The following GREB1 variants were observed in gnomAD, a reference collection of about 807,000 sequenced individuals.
GREB1 encodes growth regulating estrogen receptor binding 1.
Under a neutral mutation model 200.7 loss-of-function variants are expected in GREB1, and 106 were observed. The observed-to-expected ratio is 0.53, with a 90% CI of 0.45 to 0.62. The LOEUF is 0.62. GREB1 is among the 20% of genes least tolerant of loss of function. GREB1 has a pLI of 0.00. For synonymous variants in GREB1, 1,132 were observed against 1,092.4 expected (o/e 1.04, Z -0.72); for missense variants, 2,243 against 2,556.8 (o/e 0.88, Z 2.65).
chr2:11,556,833 A>G, intron 2 of GREB1, 62 bp downstream of exon 2: 1 of 1,272,118 alleles, frequency 7.9e-7, no homozygotes, highest in Non-Finnish European at 1.1e-6. Context: ...TAATGTTAGC[A>G]CCAGAACTTG....
rs557839806 is a variant in GREB1 at position 11,591,298 on chromosome 2, G to T, written c.1346-1478G>T. The stretch of plus-strand genomic sequence containing the variant: ...TCATGAACCCCGTGTTATGCATCAG[G>T]AAACCATGGGAGATAGCTCAGGGCC... On this transcript the variant is annotated intron_variant, in intron 10 of 32. Coordinates refer to ENST00000381486, the MANE Select transcript of GREB1 (RefSeq NM_014668.4). 4.3e-6 allele frequency: 3 copies of T among 701,156 alleles called. No homozygotes were observed. The African/African-American group carries it at 5.3e-5, about 12-fold the overall frequency. The allele number at this position is 701,156 out of a possible 1,614,324, so 43.4% of individuals were successfully genotyped here.
At position 11,638,955 on chromosome 2, in the gene GREB1, G is replaced by A. The variant is rs1036073327; in HGVS notation, c.5686+146G>A. 8 of 810,056 alleles carry A rather than the reference G, an allele frequency of 9.9e-6. No individual in the cohort carries two copies. In the African/African-American group the frequency reaches 1.4e-4, roughly 14 times the overall value. The allele number at this position is 810,056 out of a possible 1,614,324, so 50.2% of individuals were successfully genotyped here. ...GGGAAGTGACTGCCTCAGCCACCCA[G>A]GGAAGTGCAAGAGAGCTGGGATTTG... On this transcript the variant is annotated intron_variant, in intron 32 of 32. Coordinates refer to ENST00000381486, the MANE Select transcript of GREB1 (RefSeq NM_014668.4).
Position 11,610,823 on chromosome 2 carries a change from C to A in GREB1, c.2802C>A (p.Asn934Lys), listed in dbSNP as rs773386477. The change falls in exon 18 of 33, where the codon AAC (asparagine) becomes AAA (lysine). Residue 934 changes from asparagine (N) to lysine (K), a missense_variant. Physicochemically the swap from Asn to Lys is moderately conservative, Grantham distance 94. Around this residue, in one of 3 missense-constraint regions of GREB1, gnomAD observed 1,178 missense variants for 1,387.4 expected, o/e 0.85. Coordinates refer to ENST00000381486, the MANE Select transcript of GREB1 (RefSeq NM_014668.4). ...TSVETLEITQ[N>K]LLNSPKQCPC... The stretch of plus-strand genomic sequence containing the variant: ...TGGAGACGCTGGAGATCACGCAGAA[C>A]CTCCTCAACTCCCCGAAGCAGTGCC... The A allele has an allele frequency of 5.0e-6, 8 of 1,613,472 alleles. No individual in the cohort carries two copies. The highest frequency in any genetic ancestry group is 8.5e-7 in the Non-Finnish European group (1 of 1,179,964).
chr2:11,602,689 T>C (rs1276297285), intron 17 of GREB1, 147 bp downstream of exon 17: 9 of 682,528 alleles, frequency 1.3e-5, no homozygotes, highest in Non-Finnish European at 2.1e-5. Flanking sequence ...CCTGGTTTTT[T>C]CCTTCTCCTC....
At chr2:11,606,260 C>T (rs1682279380) in intron 17 of GREB1, among the ~76,000 whole-genome samples, 1 of 152,206 alleles carries the variant, frequency 6.6e-6, no homozygotes, top group South Asian at 2.1e-4. Context: ...AAGTTCAAAC[C>T]TGTGTTATTC....
At chr2:11,576,170 G>A (rs1003481386) in intron 4 of GREB1, among the ~76,000 whole-genome samples, 183 bp from the exon 5 acceptor site, 1 of 152,122 alleles carries the variant, frequency 6.6e-6, no homozygotes, top group East Asian at 1.9e-4. Flanking sequence ...AGCTAGGCAC[G>A]GTGGCAGATG....
Position 11,571,733 on chromosome 2 carries a change from C to T in GREB1, c.455-4620C>T, listed in dbSNP as rs187690506. 2.2e-3 allele frequency among the ~76,000 whole-genome samples: 332 copies of T among 151,864 alleles called. 1 individual carries two copies. Among genetic ancestry groups the T allele is most frequent in the African/African-American group, 7.5e-3 (310 of 41,346 alleles). Reference sequence around the variant, plus strand: ...ATGCATTTTTTTTTTCTTTTTGAGACGGAGTCTCGCTCTGTCTCCCAGGCT... The same window carrying T: ...ATGCATTTTTTTTTTCTTTTTGAGATGGAGTCTCGCTCTGTCTCCCAGGCT... On this transcript the variant is annotated intron_variant, in intron 4 of 32. Transcript: ENST00000381486.
intron 1 of GREB1, among the ~76,000 whole-genome samples, chr2:11,552,015 C>G (rs1675899082): frequency 6.6e-6 from 1 of 152,274 alleles, no homozygotes; most frequent in Non-Finnish European, 1.5e-5. Flanking sequence ...CTCCGTCTCT[C>G]TTACTGTCCG....
chr2:11,562,425 G>C (rs1399995463), intron 2 of GREB1, 38 bp from the exon 3 acceptor site: 6 of 1,608,802 alleles, frequency 3.7e-6, no homozygotes. Flanking sequence ...AGGCCAGACA[G>C]CAGCTGCCTT....
At chr2:11,589,783 G>A (rs763278827) in intron 10 of GREB1, among the ~76,000 whole-genome samples, 8 of 152,286 alleles carry the variant, frequency 5.3e-5, no homozygotes, top group East Asian at 1.9e-4. Flanking sequence ...AGGTAAGGCC[G>A]GCTGGAAATG....
chr2:11,538,401 C>T (rs1446364396), intron 1 of GREB1, among the ~76,000 whole-genome samples: 1 of 152,140 alleles, frequency 6.6e-6, no homozygotes, highest in Non-Finnish European at 1.5e-5. Flanking sequence ...TGACCTTGAA[C>T]CCTCTGGGTC....
chr2:11,630,186 T>G, intron 26 of GREB1, 77 bp downstream of exon 26: 3 of 1,440,290 alleles, frequency 2.1e-6, no homozygotes, highest in South Asian at 2.5e-5. Context: ...GAGACAGAGC[T>G]TCCTGTGAGG....
intron 5 of GREB1, among the ~76,000 whole-genome samples, chr2:11,577,666 G>A (rs1010872460): frequency 4.6e-5 from 7 of 152,218 alleles, no homozygotes; most frequent in Non-Finnish European, 1.5e-5. Flanking sequence ...TCTTCCGGAC[G>A]CTCCCGGGCA....
chr2:11,545,414 GA>G (rs1275715168), intron 1 of GREB1, among the ~76,000 whole-genome samples: 2 of 152,178 alleles, frequency 1.3e-5, no homozygotes, highest in Non-Finnish European at 2.9e-5. Context: ...CTACAGGCAT[GA>G]GCCACTGCAC....
At chr2:11,538,800 CTTTACTT>C (rs1674472623) in intron 1 of GREB1, among the ~76,000 whole-genome samples, 2 of 37,438 alleles carry the variant, frequency 5.3e-5, no homozygotes, top group Non-Finnish European at 1.1e-4. Flanking sequence ...TCCTTCCCTT[CTTTACTT>C]CCTTCCTTCC....
intron 17 of GREB1, among the ~76,000 whole-genome samples, chr2:11,608,607 C>T (rs960049902): frequency 2.6e-5 from 4 of 152,170 alleles, no homozygotes; most frequent in African/African-American, 9.7e-5. Flanking sequence ...AGGACCAGAG[C>T]AGTATTTAAT....
At chr2:11,607,592 A>ACACATATATG (rs1558625443) in intron 17 of GREB1, among the ~76,000 whole-genome samples, 5 of 12,512 alleles carry the variant, frequency 4.0e-4, no homozygotes, top group Non-Finnish European at 3.1e-3. Flanking sequence ...ATACATATAT[A>ACACATATATG]CATATATATA....
chr2:11,565,606 T>A (rs1160578002), intron 3 of GREB1, among the ~76,000 whole-genome samples: 3 of 152,220 alleles, frequency 2.0e-5, no homozygotes, highest in Non-Finnish European at 4.4e-5. Context: ...CTATTTTACC[T>A]TTCCCCTTGC....
At chr2:11,545,787 C>T (rs1216327137) in intron 1 of GREB1, among the ~76,000 whole-genome samples, 1 of 152,174 alleles carries the variant, frequency 6.6e-6, no homozygotes, top group South Asian at 2.1e-4. Flanking sequence ...AGTAAGGTTA[C>T]AAATGGAAAG....
Sources: allele counts gnomAD v4.1 joint callset (sites outside exome capture counted in the v4.1 genomes callset), GRCh38; gene constraint gnomAD v4.1.1; regional missense constraint gnomAD v4.1.1; transcripts MANE v1.5; gene names NCBI Gene and HGNC (gene_info 2026-07-23, HGNC 2026-07-21).